INTS7: variants seen among roughly 807,000 people sequenced by gnomAD.
INTS7 encodes the protein chromosome 1 open reading frame 73.
A neutral mutation model predicts 109.2 loss-of-function variants in INTS7; 46 were observed. That is an observed-to-expected ratio of 0.42 (90% CI 0.33 to 0.54). INTS7 has a LOEUF of 0.54. Among genes scored for constraint, INTS7 ranks in the 20% least tolerant of loss-of-function variants. The probability of loss-of-function intolerance (pLI) is 0.07; values close to 1 mark genes in which losing one functional copy is unlikely to be tolerated. For synonymous variants in INTS7, 412 were observed against 402.9 expected (o/e 1.02, Z -0.27); for missense variants, 929 against 1,132.4 (o/e 0.82, Z 2.58).
intron 1 of INTS7, among the ~76,000 whole-genome samples, chr1:212,031,718 G>A (rs1396181414): frequency 6.6e-6 from 1 of 152,178 alleles, no homozygotes. Context: ...GTAAATGAAT[G>A]GCTATCACAT....
rs540900542 is a variant in INTS7 at position 211,942,981 on chromosome 1, G to A, written c.2602-870C>T. ...GTGCCCTGCAGCTTTGTGTCTCAAG[G>A]AGCAGTTATCATGTCACTTTTCCAG... is the stretch of plus-strand genomic sequence containing the variant. On this transcript the variant is annotated intron_variant, in intron 19 of 19. Coordinates refer to ENST00000366994, the MANE Select transcript of INTS7 (RefSeq NM_015434.4). The surrounding 1 kb of genome is among the most constrained non-coding windows in gnomAD (Gnocchi z 4.2). 8.5e-5 allele frequency among the ~76,000 whole-genome samples: 13 copies of A among 152,190 alleles called. No homozygotes were observed. The highest frequency in any genetic ancestry group is 2.6e-4 in the Admixed American group (4 of 15,290).
chr1:212,020,828 A>G (rs1045746097), intron 2 of INTS7: 89 of 686,302 alleles, frequency 1.3e-4, no homozygotes, highest in Non-Finnish European at 1.7e-4. Flanking sequence ...ATTTTCCTGA[A>G]GTACACAGTA....
chr1:212,028,372 T>C (rs570043789), intron 1 of INTS7, among the ~76,000 whole-genome samples: 13 of 152,278 alleles, frequency 8.5e-5, no homozygotes, highest in African/African-American at 2.6e-4. Context: ...CTGAAGAAGG[T>C]AGAAGTGTCT....
chr1:212,025,446 T>C (rs1666876025), intron 1 of INTS7: 1 of 151,894 alleles, frequency 6.6e-6, no homozygotes, highest in South Asian at 2.1e-4. Context: ...TTTTATCTGA[T>C]ACAAATTATA....
intron 10 of INTS7, 136 bp downstream of exon 10, chr1:211,980,957 G>A (rs1664634965): frequency 1.9e-6 from 1 of 516,744 alleles, no homozygotes; most frequent in South Asian, 3.6e-5. Flanking sequence ...TTAAATCAGT[G>A]TAGTTTTATC....
rs1558020148 is a variant in INTS7 at position 211,946,723 on chromosome 1, CTAAAT to C, written c.2317-23_2317-19del. ...GCTGTGTGCTGGGGGAAAAAAGAAA[CTAAAT>C]CAAATAAAAATAAATTTTCAAATTT... On this transcript the variant is annotated intron_variant, in intron 17 of 19. Coordinates refer to ENST00000366994, the MANE Select transcript of INTS7 (RefSeq NM_015434.4). The surrounding 1 kb of genome is among the most constrained non-coding windows in gnomAD (Gnocchi z 4.3). The C allele has an allele frequency of 1.3e-6, 2 of 1,556,736 alleles. No individual in the cohort carries two copies. The highest frequency in any genetic ancestry group is 4.5e-5 in the East Asian group (2 of 44,550).
chr1:211,957,218 T>C (rs1663408113), intron 16 of INTS7, among the ~76,000 whole-genome samples: 2 of 152,168 alleles, frequency 1.3e-5, no homozygotes, highest in African/African-American at 4.8e-5. Flanking sequence ...TACCTTCTTT[T>C]TTGAAGTGTC....
At chr1:212,022,565 G>GAA (rs1203602871) in intron 1 of INTS7, among the ~76,000 whole-genome samples, 1 of 152,132 alleles carries the variant, frequency 6.6e-6, no homozygotes, top group Non-Finnish European at 1.5e-5. Flanking sequence ...TCAGGGAAAT[G>GAA]ACAATTTAAA....
chr1:212,022,142 G>A (rs1358065403), intron 1 of INTS7, among the ~76,000 whole-genome samples: 1 of 152,058 alleles, frequency 6.6e-6, no homozygotes, highest in African/African-American at 2.4e-5. Flanking sequence ...CCCTTAACTT[G>A]CATCATACAC....
intron 18 of INTS7, among the ~76,000 whole-genome samples, chr1:211,945,795 T>G (rs902986742): frequency 1.3e-5 from 2 of 152,262 alleles, no homozygotes; most frequent in African/African-American, 4.8e-5. Context: ...AATTTCATTT[T>G]CTGAATCAAA....
rs1371543609 is a variant in INTS7 at position 211,982,660 on chromosome 1, T to G, written c.1132+16A>C. On this transcript the variant is annotated intron_variant, in intron 9 of 19. Coordinates refer to ENST00000366994, the MANE Select transcript of INTS7 (RefSeq NM_015434.4). ...AACCAAAGTTTATACGTAATATCAG[T>G]CCTGATCAAACTTACCCTTTTCTTG... The G allele has an allele frequency of 6.3e-7, 1 of 1,591,834 alleles. No individual in the cohort carries two copies. Among genetic ancestry groups the G allele is most frequent in the Non-Finnish European group, 8.6e-7 (1 of 1,169,378 alleles).
intron 19 of INTS7, among the ~76,000 whole-genome samples, chr1:211,943,869 GTGGACT>G (rs1239066758): frequency 5.9e-5 from 9 of 152,206 alleles, no homozygotes; most frequent in African/African-American, 2.2e-4. Flanking sequence ...TGCTACAACT[GTGGACT>G]TGGTCCCTTG....
intron 13 of INTS7, among the ~76,000 whole-genome samples, chr1:211,974,403 G>A (rs2993534): frequency 0.55 from 81,686 of 149,164 alleles, 22,643 homozygotes; most frequent in Middle Eastern, 0.6. Context: ...TTTGAGATAG[G>A]CCACCATTCA....
chr1:211,966,557 T>TG, intron 15 of INTS7, 59 bp from the exon 16 acceptor site: 1 of 986,192 alleles, frequency 1.0e-6, no homozygotes, highest in South Asian at 1.4e-5. Context: ...TAGGTTTCTA[T>TG]TACTTGAATA....
chr1:212,005,729 G>A (rs749441638), intron 7 of INTS7, among the ~76,000 whole-genome samples: 71 of 152,278 alleles, frequency 4.7e-4, no homozygotes, highest in Middle Eastern at 6.8e-3. Flanking sequence ...TCAGAGGACA[G>A]AAGCTCTCTT....
chr1:211,976,357 G>A (rs3795836), intron 12 of INTS7, among the ~76,000 whole-genome samples: 10,383 of 152,048 alleles, frequency 0.068, 447 homozygotes, highest in Admixed American at 0.13. Flanking sequence ...AGCCAGAAAG[G>A]GTCCAGATTT....
At chr1:211,943,484 A>G (rs1662718941) in intron 19 of INTS7, among the ~76,000 whole-genome samples, 1 of 152,212 alleles carries the variant, frequency 6.6e-6, no homozygotes, top group African/African-American at 2.4e-5. Context: ...CTGTGACAGC[A>G]GATACCCAAT....
At chr1:211,992,491 G>A (rs75433649) in intron 7 of INTS7, among the ~76,000 whole-genome samples, 5,552 of 151,924 alleles carry the variant, frequency 0.037, 146 homozygotes, top group Non-Finnish European at 0.059. Context: ...TTTAAGCCTG[G>A]GCACATAGCA....
At chr1:211,960,793 A>T (rs1316218815) in intron 16 of INTS7, among the ~76,000 whole-genome samples, 1 of 152,192 alleles carries the variant, frequency 6.6e-6, no homozygotes, top group Non-Finnish European at 1.5e-5. Context: ...TGGGTCGATC[A>T]CTTGAAGTCA....
Sources: gnomAD v4.1 joint callset for allele counts (sites outside exome capture counted in the v4.1 genomes callset) on GRCh38, gnomAD v4.1.1 for gene constraint, Gnocchi (gnomAD v3.1) non-coding constraint, MANE v1.5 for transcripts, NCBI Gene and HGNC (gene_info 2026-07-23, HGNC 2026-07-21) for gene names.